The following SESTD1 variants were observed in gnomAD, a reference collection of about 807,000 sequenced individuals.
The protein encoded by SESTD1 is SEC14 domain and spectrin repeat-containing protein 1.
A neutral mutation model predicts 101.7 loss-of-function variants in SESTD1; 43 were observed. The ratio of observed to expected loss-of-function variants is 0.42; its 90% confidence interval spans 0.33 to 0.55. The LOEUF (loss-of-function observed/expected upper bound fraction) is 0.55, where lower values mean the gene tolerates loss of function less well. SESTD1 is among the 20% of genes least tolerant of loss of function. The pLI is 0.07. For missense variants in SESTD1, 647 were observed against 815.1 expected, an observed-to-expected ratio of 0.79 and a Z score of 2.51; for synonymous variants, 283 against 286.8, an observed-to-expected ratio of 0.99 and a Z score of 0.13.
chr2:179,176,276 C>T (rs920498844), intron 4 of SESTD1, among the ~76,000 whole-genome samples, 172 bp downstream of exon 4: 4 of 152,134 alleles, frequency 2.6e-5, no homozygotes, highest in African/African-American at 9.7e-5. Context: ...TGCTTAAATT[C>T]AAACCTAAGG....
chr2:179,185,681 TTATA>T (rs1170376177), intron 2 of SESTD1, among the ~76,000 whole-genome samples: 2 of 59,842 alleles, frequency 3.3e-5, no homozygotes, highest in African/African-American at 8.4e-5. Flanking sequence ...ATATAGCATA[TTATA>T]TATAATATAG....
intron 17 of SESTD1, 39 bp from the exon 18 acceptor site, chr2:179,110,067 C>A (rs780772281): frequency 1.2e-6 from 2 of 1,605,176 alleles, no homozygotes; most frequent in African/African-American, 1.3e-5. Flanking sequence ...CAGATTAATA[C>A]AAATCTATTA....
intron 10 of SESTD1, among the ~76,000 whole-genome samples, chr2:179,129,497 T>C (rs2044959517): frequency 6.6e-6 from 1 of 152,192 alleles, no homozygotes; most frequent in Admixed American, 6.5e-5. Context: ...CTTAATATCC[T>C]AACAAATTTG....
chr2:179,215,315 C>A lies in SESTD1; in HGVS notation c.-25-23449G>T, dbSNP rs955014975. On this transcript the variant is annotated intron_variant, in intron 1 of 17. Coordinates refer to ENST00000428443, the MANE Select transcript of SESTD1 (RefSeq NM_178123.5). ...AAAAATGATAAACGGGATATCACCA[C>A]TAATCTAACAGAAAAACAAACCACC... Among the ~76,000 whole-genome samples, 72 of 134,824 alleles carry A rather than the reference C, an allele frequency of 5.3e-4. 14 individuals are homozygous for A. Among genetic ancestry groups the A allele is most frequent in the Non-Finnish European group, 1.0e-3 (65 of 62,752 alleles). 88.4% of individuals were successfully genotyped at this position (134,824 alleles called of 152,430 possible).
intron 5 of SESTD1, among the ~76,000 whole-genome samples, chr2:179,170,727 T>C (rs1294213525): frequency 2.6e-5 from 4 of 152,168 alleles, no homozygotes; most frequent in African/African-American, 9.7e-5. Context: ...GAAACTTTCA[T>C]GGCCACTCCT....
At chr2:179,244,213 T>C (rs935348970) in intron 1 of SESTD1, among the ~76,000 whole-genome samples, 8 of 152,102 alleles carry the variant, frequency 5.3e-5, no homozygotes, top group Non-Finnish European at 1.0e-4. Flanking sequence ...TCCCAGCACT[T>C]TGTGAGGCCA....
intron 5 of SESTD1, among the ~76,000 whole-genome samples, chr2:179,164,829 A>T (rs1450987142): frequency 3.3e-5 from 5 of 152,238 alleles, no homozygotes; most frequent in Non-Finnish European, 7.3e-5. Context: ...ATACTTGATG[A>T]GCATTGTGGA....
At chr2:179,243,717 T>C (rs1402557553) in intron 1 of SESTD1, among the ~76,000 whole-genome samples, 1 of 131,264 alleles carries the variant, frequency 7.6e-6, no homozygotes, top group Admixed American at 8.8e-5. Flanking sequence ...CGGGTACACA[T>C]GGACATAAAG....
chr2:179,257,529 T>C (rs1288390941), intron 1 of SESTD1, among the ~76,000 whole-genome samples: 2 of 152,248 alleles, frequency 1.3e-5, no homozygotes, highest in African/African-American at 2.4e-5. Flanking sequence ...TTTGCTTTAC[T>C]GTGGTGGTCT....
intron 9 of SESTD1, 86 bp downstream of exon 9, chr2:179,143,506 A>G (rs2045325000): frequency 8.9e-7 from 1 of 1,128,784 alleles, no homozygotes; most frequent in African/African-American, 1.6e-5. Flanking sequence ...TTTTCTATAT[A>G]GTGTATATAA....
At chr2:179,224,274 A>G (rs959694147) in intron 1 of SESTD1, among the ~76,000 whole-genome samples, 17 of 152,198 alleles carry the variant, frequency 1.1e-4, no homozygotes, top group Non-Finnish European at 1.5e-5. Flanking sequence ...TATAACTCAC[A>G]ACTATCCTAC....
chr2:179,156,804 A>G (rs6725309), intron 5 of SESTD1, among the ~76,000 whole-genome samples: 23,991 of 152,126 alleles, frequency 0.16, 3,060 homozygotes, highest in African/African-American at 0.36. Flanking sequence ...TCATTTTGCC[A>G]TACAAAAGCT....
chr2:179,202,402 A>C (rs1414105210), intron 1 of SESTD1, among the ~76,000 whole-genome samples: 1 of 134,080 alleles, frequency 7.5e-6, no homozygotes, highest in Non-Finnish European at 1.6e-5. Context: ...TTAATGTTTC[A>C]ACTTTAAGTC....
intron 13 of SESTD1, among the ~76,000 whole-genome samples, chr2:179,118,789 C>T (rs999311794): frequency 1.3e-5 from 2 of 152,094 alleles, no homozygotes; most frequent in African/African-American, 2.4e-5. Context: ...TATCAAGATG[C>T]TCCCATTTGC....
rs771159540 is a variant in SESTD1 at position 179,151,303 on chromosome 2, T to G, written c.458A>C (p.His153Pro). 1 of 1,604,306 alleles carries G rather than the reference T, an allele frequency of 6.2e-7. No individual in the cohort carries two copies. ...CAGCCTCTTATTTAACCAGTCCATG[T>G]GATCATAGGTGAGACTCCCACCAAA... ...EDFGGSLTYD[H>P]MDWLNKRLVF... is the part of the protein sequence containing the mutation. Residue 153 changes from histidine to proline, a missense_variant, in exon 6 of 18, where the codon CAC becomes CCC. Around this residue, in one of 3 missense-constraint regions of SESTD1, gnomAD observed 168 missense variants for 235.1 expected, o/e 0.71. Coordinates refer to ENST00000428443, the MANE Select transcript of SESTD1 (RefSeq NM_178123.5).
rs1335390261 is a variant in SESTD1 at position 179,109,350 on chromosome 2, C to G, written c.*549G>C. The G allele has an allele frequency of 5.5e-6, 1 of 182,422 alleles. No homozygotes were observed. The highest frequency in any genetic ancestry group is 2.3e-5 in the African/African-American group (1 of 42,870). The allele number at this position is 182,422 out of a possible 1,614,324, so 11.3% of individuals were successfully genotyped here. A position where few individuals can be genotyped will look rare whatever the true frequency, so the allele number is the denominator to read the frequency against. On this transcript the variant is annotated 3_prime_UTR_variant, in exon 18 of 18. Coordinates refer to ENST00000428443, the MANE Select transcript of SESTD1 (RefSeq NM_178123.5). ...TATTAAGCACAAACAACTTTTAATA[C>G]ATTATCAATACAAATAGGAAAAGGT...
chr2:179,239,323 T>C (rs922686793), intron 1 of SESTD1, among the ~76,000 whole-genome samples: 3 of 152,192 alleles, frequency 2.0e-5, no homozygotes, highest in African/African-American at 7.2e-5. Flanking sequence ...AAATGTTTTC[T>C]TCCTTTTGCA....
intron 9 of SESTD1, among the ~76,000 whole-genome samples, chr2:179,140,281 T>C (rs896397161): frequency 1.3e-5 from 2 of 152,066 alleles, no homozygotes; most frequent in Non-Finnish European, 2.9e-5. Context: ...ATTCTAACAA[T>C]ATTTATTAGG....
At chr2:179,242,801 C>G (rs940296266) in intron 1 of SESTD1, among the ~76,000 whole-genome samples, 3 of 152,126 alleles carry the variant, frequency 2.0e-5, no homozygotes, top group African/African-American at 7.2e-5. Flanking sequence ...AAAATTAACT[C>G]AAGATGAATT....
Sources: allele counts gnomAD v4.1 joint callset (sites outside exome capture counted in the v4.1 genomes callset), GRCh38; gene constraint gnomAD v4.1.1; regional missense constraint gnomAD v4.1.1; transcripts MANE v1.5; gene names NCBI Gene and HGNC (gene_info 2026-07-23, HGNC 2026-07-21).